EML4: variants seen among roughly 807,000 people sequenced by gnomAD.
EML4 encodes the protein echinoderm microtubule-associated protein-like 4.
Under a neutral mutation model 129.0 loss-of-function variants are expected in EML4, and 72 were observed. The observed-to-expected ratio is 0.56, with a 90% CI of 0.46 to 0.68. EML4 has a LOEUF of 0.68. Ranked by LOEUF, EML4 falls within the 30% of genes least tolerant of loss-of-function variation. The pLI is 0.00. For synonymous variants in EML4, 532 were observed against 405.0 expected, an observed-to-expected ratio of 1.31 and a Z score of -3.77; for missense variants, 1,363 against 1,190.6, an observed-to-expected ratio of 1.14 and a Z score of -2.13.
chr2:42,206,495 G>A (rs183719126), intron 1 of EML4, among the ~76,000 whole-genome samples: 9 of 152,256 alleles, frequency 5.9e-5, no homozygotes, highest in East Asian at 1.9e-4. Context: ...GATTATAGAC[G>A]TGGGCACTGC....
chr2:42,239,536 G>C (rs1003214656), intron 1 of EML4, among the ~76,000 whole-genome samples: 5 of 152,298 alleles, frequency 3.3e-5, no homozygotes, highest in African/African-American at 1.2e-4. Context: ...AAATAGATCA[G>C]ACTGATAGTG....
intron 1 of EML4, 59 bp downstream of exon 1, chr2:42,169,695 G>C: frequency 3.2e-6 from 5 of 1,573,570 alleles, no homozygotes; most frequent in South Asian, 1.1e-5. Context: ...TTTTCCTTCC[G>C]CACACAGCCC....
intron 1 of EML4, among the ~76,000 whole-genome samples, chr2:42,198,633 CTT>C (rs1047002944): frequency 1.3e-5 from 2 of 152,112 alleles, no homozygotes; most frequent in Non-Finnish European, 2.9e-5. Context: ...GCTATTTTCT[CTT>C]TGAAAGAGGA....
rs1349938411 is a variant in EML4 at position 42,330,821 on chromosome 2, G to C, written c.*614G>C. On this transcript the variant is annotated 3_prime_UTR_variant, in exon 23 of 23. Coordinates refer to ENST00000318522, the MANE Select transcript of EML4 (RefSeq NM_019063.5). ...CCAGACATGCTCTTAGTCTACTAGA[G>C]AGGTGCTGCCTTTTCTAAGTCATAA... 9.4e-6 allele frequency: 2 copies of C among 212,076 alleles called. No homozygotes were observed. Among genetic ancestry groups the C allele is most frequent in the Non-Finnish European group, 1.9e-5 (2 of 103,900 alleles). The allele number at this position is 212,076 out of a possible 1,614,324, so 13.1% of individuals were successfully genotyped here.
chr2:42,287,719 GGTT>G (rs1667388252), intron 10 of EML4, among the ~76,000 whole-genome samples: 1 of 152,120 alleles, frequency 6.6e-6, no homozygotes, highest in African/African-American at 2.4e-5. Context: ...ATTTTACTTA[GGTT>G]GTTTATTCAA....
At chr2:42,279,991 T>C (rs1487964563) in intron 6 of EML4, among the ~76,000 whole-genome samples, 1 of 152,178 alleles carries the variant, frequency 6.6e-6, no homozygotes, top group Admixed American at 6.5e-5. Context: ...GAGTTCCTTA[T>C]ATATTTTTGA....
intron 13 of EML4, among the ~76,000 whole-genome samples, chr2:42,297,063 C>G (rs962924499): frequency 1.3e-5 from 2 of 152,178 alleles, no homozygotes; most frequent in East Asian, 3.8e-4. Flanking sequence ...CCATTGACTC[C>G]TATCTCAATC....
At chr2:42,226,411 G>C (rs1673959204) in intron 1 of EML4, among the ~76,000 whole-genome samples, 1 of 151,996 alleles carries the variant, frequency 6.6e-6, no homozygotes, top group Non-Finnish European at 1.5e-5. Flanking sequence ...TGTAAACCCA[G>C]CACTTTGGGA....
At position 42,256,390 on chromosome 2, in the gene EML4, C is replaced by T; in HGVS notation, c.209-111C>T. Reference sequence around the variant, plus strand: ...CTCAAGAGTTATAAACAATAATATACTTAATTTTTTTTCTACCACCCCCTC... The same window carrying T: ...CTCAAGAGTTATAAACAATAATATATTTAATTTTTTTTCTACCACCCCCTC... On this transcript the variant is annotated intron_variant, in intron 2 of 22. Transcript: ENST00000318522. 2.9e-6 allele frequency: 3 copies of T among 1,025,308 alleles called. No individual in the cohort carries two copies. The South Asian group carries it at 5.4e-5, about 18-fold the overall frequency. The allele number at this position is 1,025,308 out of a possible 1,614,324, so 63.5% of individuals were successfully genotyped here.
chr2:42,309,922 A>G (rs1199603275), intron 17 of EML4, among the ~76,000 whole-genome samples: 8 of 152,162 alleles, frequency 5.3e-5, no homozygotes, highest in Admixed American at 5.2e-4. Context: ...TTAAGCATAA[A>G]TATTTACTTC....
chr2:42,202,331 A>G (rs1399321105), intron 1 of EML4, among the ~76,000 whole-genome samples: 2 of 152,142 alleles, frequency 1.3e-5, no homozygotes, highest in Admixed American at 1.3e-4. Flanking sequence ...GCTTGTGGCC[A>G]GTAGTTCGAG....
chr2:42,209,349 G>A (rs931791529), intron 1 of EML4, among the ~76,000 whole-genome samples: 4 of 151,618 alleles, frequency 2.6e-5, no homozygotes, highest in South Asian at 2.1e-4. Context: ...TTTTTATGTC[G>A]GTTATCATTT....
At chr2:42,285,170 A>C (rs1296926163) in intron 9 of EML4, among the ~76,000 whole-genome samples, 1 of 152,066 alleles carries the variant, frequency 6.6e-6, no homozygotes, top group Non-Finnish European at 1.5e-5. Flanking sequence ...TGGCCTCTTG[A>C]GTGAGTAGCT....
At chr2:42,259,308 C>T (rs1665560786) in intron 3 of EML4, among the ~76,000 whole-genome samples, 1 of 151,736 alleles carries the variant, frequency 6.6e-6, no homozygotes, top group Admixed American at 6.6e-5. Flanking sequence ...TAGTTTCCTA[C>T]CTTTTCATCA....
chr2:42,206,808 A>G (rs895126275), intron 1 of EML4, among the ~76,000 whole-genome samples: 1 of 152,234 alleles, frequency 6.6e-6, no homozygotes, highest in African/African-American at 2.4e-5. Flanking sequence ...AATTACAATA[A>G]TTGCTGGTTG....
intron 1 of EML4, among the ~76,000 whole-genome samples, chr2:42,213,415 ATG>A (rs1672993790): frequency 6.6e-6 from 1 of 152,188 alleles, no homozygotes; most frequent in African/African-American, 2.4e-5. Context: ...TTCCATAGCT[ATG>A]TGGAGTTTTA....
chr2:42,316,891 G>A (rs142712917), intron 18 of EML4, among the ~76,000 whole-genome samples: 1 of 152,220 alleles, frequency 6.6e-6, no homozygotes, highest in East Asian at 1.9e-4. Flanking sequence ...ATTTTTCTGG[G>A]GTTTGTTTTG....
At chr2:42,262,108 C>T in intron 4 of EML4, among the ~76,000 whole-genome samples, 1 of 151,940 alleles carries the variant, frequency 6.6e-6, no homozygotes, top group Non-Finnish European at 1.5e-5. Flanking sequence ...AACTATTAAA[C>T]CATTTCCAGA....
chr2:42,318,879 A>G (rs7588929), intron 19 of EML4, among the ~76,000 whole-genome samples: 13 of 151,720 alleles, frequency 8.6e-5, no homozygotes, highest in African/African-American at 3.1e-4. Context: ...TCACTTTTTT[A>G]ATTTTTCATA....
Sources: gnomAD v4.1 joint callset for allele counts (sites outside exome capture counted in the v4.1 genomes callset) on GRCh38, gnomAD v4.1.1 for gene constraint, MANE v1.5 for transcripts, NCBI Gene and HGNC (gene_info 2026-07-23, HGNC 2026-07-21) for gene names.